The following PTPRK variants were observed in gnomAD, a reference collection of about 807,000 sequenced individuals.
PTPRK encodes the protein protein tyrosine phosphatase receptor type K, also known as receptor-type tyrosine-protein phosphatase kappa.
In PTPRK, 75 loss-of-function variants were observed where a neutral mutation model predicts 178.0. That is an observed-to-expected ratio of 0.42 (90% CI 0.35 to 0.51). The LOEUF (loss-of-function observed/expected upper bound fraction) is 0.51. PTPRK is among the 20% of genes least tolerant of loss of function. PTPRK has a pLI of 0.02. For synonymous variants in PTPRK, 637 were observed against 620.6 expected, an observed-to-expected ratio of 1.03 and a Z score of -0.39; for missense variants, 1,441 against 1,797.8, an observed-to-expected ratio of 0.80 and a Z score of 3.59.
At chr6:128,253,537 C>T (rs184378530) in intron 3 of PTPRK, among the ~76,000 whole-genome samples, 1 of 152,286 alleles carries the variant, frequency 6.6e-6, no homozygotes, top group East Asian at 1.9e-4. Context: ...CAACATGACA[C>T]TGAATTACAG....
intron 13 of PTPRK, among the ~76,000 whole-genome samples, chr6:128,060,139 C>T (rs935275707): frequency 6.6e-6 from 1 of 152,102 alleles, no homozygotes; most frequent in Non-Finnish European, 1.5e-5. Flanking sequence ...TCCAGATATA[C>T]AGTAGTAATG....
At chr6:128,105,401 G>C (rs1789553466) in intron 7 of PTPRK, among the ~76,000 whole-genome samples, 1 of 152,050 alleles carries the variant, frequency 6.6e-6, no homozygotes, top group South Asian at 2.1e-4. Flanking sequence ...CCAAAGTGCT[G>C]GGATTACAGG....
At chr6:128,301,391 A>G (rs1056903065) in intron 3 of PTPRK, among the ~76,000 whole-genome samples, 5 of 152,140 alleles carry the variant, frequency 3.3e-5, no homozygotes, top group Non-Finnish European at 5.9e-5. Flanking sequence ...AATAATAGGT[A>G]AAAGTATGTA....
At chr6:128,079,653 T>C (rs1338201151) in intron 10 of PTPRK, among the ~76,000 whole-genome samples, 1 of 152,180 alleles carries the variant, frequency 6.6e-6, no homozygotes, top group Admixed American at 6.6e-5. Flanking sequence ...GTGTGCATTA[T>C]CTCTATCCAT....
intron 1 of PTPRK, 60 bp from the exon 2 acceptor site, chr6:128,397,748 T>C (rs1480083139): frequency 6.5e-7 from 1 of 1,528,638 alleles, no homozygotes; most frequent in Admixed American, 1.7e-5. Flanking sequence ...TAACGAAAGT[T>C]CTGGAGAAGG....
intron 1 of PTPRK, among the ~76,000 whole-genome samples, chr6:128,486,464 C>T (rs1444817579): frequency 6.6e-6 from 1 of 152,020 alleles, no homozygotes; most frequent in Non-Finnish European, 1.5e-5. Context: ...TTCAAAAAGG[C>T]AGAAAACACA....
At chr6:128,029,838 A>G (rs1312813383) in intron 13 of PTPRK, among the ~76,000 whole-genome samples, 3 of 152,254 alleles carry the variant, frequency 2.0e-5, no homozygotes, top group Non-Finnish European at 4.4e-5. Flanking sequence ...ATAAAAGAAG[A>G]AAGAATCTAT....
intron 1 of PTPRK, among the ~76,000 whole-genome samples, chr6:128,467,647 C>A (rs1413019430): frequency 6.6e-6 from 1 of 152,226 alleles, no homozygotes; most frequent in Non-Finnish European, 1.5e-5. Flanking sequence ...ATTATGTAAA[C>A]CTACTAGTTT....
chr6:128,099,149 T>C (rs946299366), intron 7 of PTPRK, among the ~76,000 whole-genome samples: 1 of 151,036 alleles, frequency 6.6e-6, no homozygotes, highest in African/African-American at 2.4e-5. Context: ...TTCTTTACTC[T>C]TGACTGAATA....
chr6:128,028,161 T>G (rs1188450580), intron 13 of PTPRK, among the ~76,000 whole-genome samples: 1 of 152,142 alleles, frequency 6.6e-6, no homozygotes, highest in Non-Finnish European at 1.5e-5. Flanking sequence ...CACTTAAAAT[T>G]AAAACACATA....
At chr6:128,044,576 C>G (rs1369348679) in intron 13 of PTPRK, among the ~76,000 whole-genome samples, 1 of 151,958 alleles carries the variant, frequency 6.6e-6, no homozygotes, top group African/African-American at 2.4e-5. Flanking sequence ...AAGTTTGTTC[C>G]AACATCAAGG....
intron 3 of PTPRK, among the ~76,000 whole-genome samples, chr6:128,304,091 A>G (rs1826031189): frequency 6.6e-6 from 1 of 152,180 alleles, no homozygotes; most frequent in Non-Finnish European, 1.5e-5. Flanking sequence ...CCTGTGGTTT[A>G]CCTAAAAAGA....
intron 1 of PTPRK, among the ~76,000 whole-genome samples, chr6:128,444,445 C>G (rs778778688): frequency 9.2e-5 from 14 of 152,128 alleles, no homozygotes; most frequent in Non-Finnish European, 1.9e-4. Flanking sequence ...GACTCCCAAC[C>G]CTGCTTCTGT....
intron 3 of PTPRK, among the ~76,000 whole-genome samples, chr6:128,291,324 C>CTA (rs1823350867): frequency 6.6e-6 from 1 of 152,028 alleles, no homozygotes; most frequent in South Asian, 2.1e-4. Context: ...CCTGGAGCCT[C>CTA]TAAAAGGGAA....
intron 6 of PTPRK, among the ~76,000 whole-genome samples, chr6:128,206,451 A>C (rs1806987155): frequency 6.6e-6 from 1 of 151,486 alleles, no homozygotes; most frequent in Non-Finnish European, 1.5e-5. Flanking sequence ...ACTGTTCCTA[A>C]GCCATTCAGT....
At chr6:128,488,715 A>G (rs1341293230) in intron 1 of PTPRK, among the ~76,000 whole-genome samples, 3 of 152,234 alleles carry the variant, frequency 2.0e-5, no homozygotes, top group African/African-American at 7.2e-5. Flanking sequence ...CAGTAAAGGC[A>G]TATGGTTCAA....
At chr6:128,136,722 T>G (rs1795069613) in intron 7 of PTPRK, among the ~76,000 whole-genome samples, 1 of 152,208 alleles carries the variant, frequency 6.6e-6, no homozygotes, top group Non-Finnish European at 1.5e-5. Context: ...TATTTCTTTC[T>G]GTTTTTGTAT....
chr6:128,101,332 T>C (rs923173915), intron 7 of PTPRK, among the ~76,000 whole-genome samples: 3 of 152,074 alleles, frequency 2.0e-5, no homozygotes, highest in African/African-American at 7.2e-5. Context: ...ACAAGATTCA[T>C]CATCATTTTC....
chr6:128,364,068 T>C (rs1835137592), intron 2 of PTPRK, among the ~76,000 whole-genome samples: 1 of 152,090 alleles, frequency 6.6e-6, no homozygotes, highest in African/African-American at 2.4e-5. Context: ...AACCTGAACC[T>C]GAACTTTTGG....
Sources: gnomAD v4.1 joint callset for allele counts (sites outside exome capture counted in the v4.1 genomes callset) on GRCh38, gnomAD v4.1.1 for gene constraint, MANE v1.5 for transcripts, NCBI Gene and HGNC (gene_info 2026-07-23, HGNC 2026-07-21) for gene names.